Variants in CAMK1D observed in about 807,000 individuals in gnomAD.
The protein encoded by CAMK1D is calcium/calmodulin dependent protein kinase ID.
A neutral mutation model predicts 47.7 loss-of-function variants in CAMK1D; 9 were observed. That is an observed-to-expected ratio of 0.19 (90% confidence interval 0.11 to 0.33). CAMK1D has a LOEUF of 0.33. Among genes scored for constraint, CAMK1D ranks in the 10% least tolerant of loss-of-function variants. CAMK1D has a pLI of 1.00. For missense variants in CAMK1D, 291 were observed against 488.7 expected (o/e 0.60, Z 3.81); for synonymous variants, 184 against 184.9 (o/e 0.99, Z 0.04).
intron 1 of CAMK1D, among the ~76,000 whole-genome samples, chr10:12,506,523 T>C (rs1273987206): frequency 2.1e-5 from 3 of 142,554 alleles, no homozygotes; most frequent in East Asian, 4.6e-4. Flanking sequence ...TCTCTCTTTC[T>C]TTTTTTTTTG....
At chr10:12,596,606 T>C (rs1838153227) in intron 2 of CAMK1D, among the ~76,000 whole-genome samples, 1 of 152,206 alleles carries the variant, frequency 6.6e-6, no homozygotes, top group Non-Finnish European at 1.5e-5. Context: ...AGAGTCCATC[T>C]GAAACCTGTA....
intron 3 of CAMK1D, among the ~76,000 whole-genome samples, chr10:12,744,308 ATG>A (rs1307499473): frequency 6.7e-6 from 1 of 149,836 alleles, no homozygotes; most frequent in Non-Finnish European, 1.5e-5. Flanking sequence ...TTTTGTATGA[ATG>A]TGTGTTTTCA....
intron 2 of CAMK1D, among the ~76,000 whole-genome samples, chr10:12,616,649 C>T (rs922301942): frequency 1.3e-5 from 2 of 152,032 alleles, no homozygotes; most frequent in Non-Finnish European, 2.9e-5. Context: ...TCCCGAGTAG[C>T]TGGGACTACA....
chr10:12,568,436 C>G, intron 2 of CAMK1D, among the ~76,000 whole-genome samples: 1 of 52,660 alleles, frequency 1.9e-5, no homozygotes, highest in Non-Finnish European at 3.7e-5. Context: ...CTCCCCTCCC[C>G]TTCCTTTCCT....
chr10:12,642,249 GGGTT>G (rs1839688276), intron 2 of CAMK1D, among the ~76,000 whole-genome samples: 1 of 152,166 alleles, frequency 6.6e-6, no homozygotes, highest in Non-Finnish European at 1.5e-5. Context: ...GCCTGTGGAT[GGGTT>G]CAGAGGGATT....
chr10:12,381,404 T>C (rs1227021893), intron 1 of CAMK1D, among the ~76,000 whole-genome samples: 2 of 151,616 alleles, frequency 1.3e-5, no homozygotes, highest in East Asian at 3.9e-4. Context: ...TGCACGATCT[T>C]GGTTCACTCC....
intron 1 of CAMK1D, among the ~76,000 whole-genome samples, chr10:12,542,582 G>A (rs1022031231): frequency 6.6e-6 from 1 of 152,172 alleles, no homozygotes; most frequent in African/African-American, 2.4e-5. Context: ...AAAAGTCAGA[G>A]GAGTCCTCTT....
chr10:12,502,174 G>A (rs141916482), intron 1 of CAMK1D, among the ~76,000 whole-genome samples: 9 of 152,308 alleles, frequency 5.9e-5, no homozygotes, highest in African/African-American at 2.2e-4. Flanking sequence ...AGTCTGGACC[G>A]AAGGAATGAG....
chr10:12,373,066 G>A (rs927208415), intron 1 of CAMK1D, among the ~76,000 whole-genome samples: 3 of 152,196 alleles, frequency 2.0e-5, no homozygotes, highest in Admixed American at 6.5e-5. Context: ...TTTGCAAAGC[G>A]CTTGCTTAGG....
intron 10 of CAMK1D, among the ~76,000 whole-genome samples, chr10:12,826,518 A>C (rs568224911): frequency 1.3e-5 from 2 of 151,932 alleles, no homozygotes; most frequent in Non-Finnish European, 2.9e-5. Flanking sequence ...CTCTCTCCTT[A>C]TCTCTCTCCC....
chr10:12,520,812 G>A (rs1463191423), intron 1 of CAMK1D, among the ~76,000 whole-genome samples: 661 of 49,778 alleles, frequency 0.013, 75 homozygotes, highest in African/African-American at 0.05. Flanking sequence ...GCCTGCAATC[G>A]CAGGCACTCG....
chr10:12,408,867 G>GTTTGTGTTTTT (rs1839549723), intron 1 of CAMK1D, among the ~76,000 whole-genome samples: 1 of 45,570 alleles, frequency 2.2e-5, no homozygotes. Flanking sequence ...TTTTTTTTTT[G>GTTTGTGTTTTT]TTCTGAGTCG....
At chr10:12,734,977 T>A (rs1835116893) in intron 3 of CAMK1D, among the ~76,000 whole-genome samples, 3 of 152,182 alleles carry the variant, frequency 2.0e-5, no homozygotes, top group Admixed American at 6.5e-5. Context: ...CTTACTTGTT[T>A]CACATTTGTG....
intron 3 of CAMK1D, among the ~76,000 whole-genome samples, chr10:12,751,537 G>T (rs1000332326): frequency 3.3e-5 from 5 of 152,218 alleles, no homozygotes; most frequent in Admixed American, 6.5e-5. Flanking sequence ...GGAGTTCACA[G>T]TCTGGGATAG....
intron 3 of CAMK1D, among the ~76,000 whole-genome samples, chr10:12,704,855 T>C (rs1447774077): frequency 6.6e-6 from 1 of 152,250 alleles, no homozygotes; most frequent in Non-Finnish European, 1.5e-5. Flanking sequence ...TTTTTCTTTT[T>C]GTTCTATTAA....
chr10:12,453,193 CTT>C (rs59619218), intron 1 of CAMK1D, among the ~76,000 whole-genome samples: 113 of 137,594 alleles, frequency 8.2e-4, no homozygotes, highest in Non-Finnish European at 9.4e-4. Flanking sequence ...TTTCTTTTTT[CTT>C]TTTTTTTTTT....
chr10:12,615,308 T>A (rs2132421301), intron 2 of CAMK1D, among the ~76,000 whole-genome samples: 1 of 152,380 alleles, frequency 6.6e-6, no homozygotes, highest in African/African-American at 2.4e-5. Flanking sequence ...TTGCATTTTA[T>A]ATTCCATTTC....
intron 1 of CAMK1D, among the ~76,000 whole-genome samples, chr10:12,373,232 G>A (rs1838055080): frequency 6.6e-6 from 1 of 151,728 alleles, no homozygotes; most frequent in Non-Finnish European, 1.5e-5. Flanking sequence ...AGGATCACCT[G>A]AGCCCAGGAA....
At position 12,479,634 on chromosome 10, in the gene CAMK1D, C is replaced by T. The variant is rs1443309185; in HGVS notation, c.93-73591C>T. 4.6e-5 allele frequency among the ~76,000 whole-genome samples: 7 copies of T among 152,324 alleles called. No individual in the cohort carries two copies. The East Asian group carries it at 1.4e-3, about 29-fold the overall frequency. ...CAGGGACTCTCACCTGGGCCTGTCT[C>T]TCGCCCCACAGGTGTGCTCTGGCCT... is the stretch of plus-strand genomic sequence containing the variant. On this transcript the variant is annotated intron_variant, in intron 1 of 10. Transcript: ENST00000619168.
Sources: allele counts gnomAD v4.1 joint callset (sites outside exome capture counted in the v4.1 genomes callset), GRCh38; gene constraint gnomAD v4.1.1; transcripts MANE v1.5; gene names NCBI Gene and HGNC (gene_info 2026-07-23, HGNC 2026-07-21).